The following CTIF variants were observed in gnomAD, a reference collection of about 807,000 sequenced individuals.
CTIF encodes CBP80/20-dependent translation initiation factor.
Under a neutral mutation model 66.0 loss-of-function variants are expected in CTIF, and 21 were observed. The ratio of observed to expected loss-of-function variants is 0.32; its 90% confidence interval spans 0.23 to 0.46. The LOEUF (loss-of-function observed/expected upper bound fraction) is 0.46. CTIF is among the 20% of genes least tolerant of loss of function. CTIF has a pLI of 1.00. For missense variants in CTIF, 739 were observed against 812.7 expected (o/e 0.91, Z 1.10); for synonymous variants, 345 against 326.4 (o/e 1.06, Z -0.62).
chr18:48,729,576 G>A (rs1481979360), intron 7 of CTIF, among the ~76,000 whole-genome samples: 2 of 152,224 alleles, frequency 1.3e-5, no homozygotes, highest in African/African-American at 2.4e-5. Context: ...ACTCAGAAAG[G>A]TGATGCGATT....
intron 3 of CTIF, among the ~76,000 whole-genome samples, chr18:48,655,532 C>G (rs1026834979): frequency 2.0e-5 from 3 of 152,172 alleles, no homozygotes; most frequent in African/African-American, 4.8e-5. Flanking sequence ...GGACATCCTG[C>G]ACTGAGAAGG....
chr18:48,648,857 C>T (rs1030878564), intron 3 of CTIF, among the ~76,000 whole-genome samples: 3 of 152,206 alleles, frequency 2.0e-5, no homozygotes, highest in Admixed American at 6.5e-5. Flanking sequence ...TGGTGGCTCA[C>T]GCCTGTGATC....
Position 48,670,674 on chromosome 18 carries a change from G to T in CTIF, c.437G>T (p.Gly146Val). ...PLPHIDREGCGKGKLEDGDGI... is the reference protein window; with the variant it reads ...PLPHIDREGCVKGKLEDGDGI... The stretch of plus-strand genomic sequence containing the variant: ...TTCTGTCTTTTCTGGTCCAGGTGTG[G>T]CAAAGGGAAGCTGGAAGATGGGGAT... The change falls in exon 6 of 12, where the codon GGC becomes GTC. Residue 146 changes from glycine (G) to valine (V), a missense_variant. This residue lies in a region of CTIF where 529 missense variants were observed against 520.3 expected (regional missense o/e 1.02). Transcript: ENST00000256413. 6.2e-7 allele frequency: 1 copy of T among 1,613,954 alleles called. No homozygotes were observed.
At chr18:48,728,350 A>G (rs954903708) in intron 7 of CTIF, among the ~76,000 whole-genome samples, 7 of 152,312 alleles carry the variant, frequency 4.6e-5, no homozygotes, top group African/African-American at 1.7e-4. Flanking sequence ...GAGTTTCACT[A>G]TGGCAGCACC....
chr18:48,833,714 A>C (rs2068745555), intron 10 of CTIF, among the ~76,000 whole-genome samples: 1 of 151,982 alleles, frequency 6.6e-6, no homozygotes, highest in East Asian at 1.9e-4. Flanking sequence ...GGCGCCACCA[A>C]ACTCTCCCCA....
chr18:48,729,135 GA>G (rs913070118), intron 7 of CTIF, among the ~76,000 whole-genome samples: 28 of 152,286 alleles, frequency 1.8e-4, no homozygotes, highest in African/African-American at 6.7e-4. Flanking sequence ...GGGCATCAGT[GA>G]AGACGCTTCC....
At chr18:48,837,039 C>T (rs2068827299) in intron 10 of CTIF, among the ~76,000 whole-genome samples, 2 of 152,238 alleles carry the variant, frequency 1.3e-5, no homozygotes, top group Admixed American at 1.3e-4. Context: ...GCAAAGCCTG[C>T]ACTGCCTGGC....
At chr18:48,821,064 C>G (rs547763031) in intron 10 of CTIF, among the ~76,000 whole-genome samples, 1 of 152,336 alleles carries the variant, frequency 6.6e-6, no homozygotes, top group Non-Finnish European at 1.5e-5. Context: ...TTAAGTTACT[C>G]AAGCTTGAAA....
chr18:48,702,317 C>A (rs2092094792), intron 6 of CTIF, among the ~76,000 whole-genome samples: 1 of 152,198 alleles, frequency 6.6e-6, no homozygotes, highest in Non-Finnish European at 1.5e-5. Context: ...CAGATGAAAA[C>A]CATCTGGATA....
At chr18:48,602,633 T>C (rs1163638479) in intron 1 of CTIF, among the ~76,000 whole-genome samples, 3 of 152,246 alleles carry the variant, frequency 2.0e-5, no homozygotes, top group Admixed American at 2.0e-4. Flanking sequence ...ATAACGTTTT[T>C]GGTGTTTCTC....
intron 3 of CTIF, among the ~76,000 whole-genome samples, chr18:48,654,937 A>T (rs903152755): frequency 6.6e-6 from 1 of 152,000 alleles, no homozygotes; most frequent in Non-Finnish European, 1.5e-5. Flanking sequence ...GAACACTTGG[A>T]CACAGGGCGG....
Position 48,642,158 on chromosome 18 carries a change from G to A in CTIF, c.252+5473G>A, listed in dbSNP as rs74550418. Among the ~76,000 whole-genome samples the A allele has an allele frequency of 5.4e-3, 829 of 152,318 alleles. 10 individuals are homozygous for A. The highest frequency in any genetic ancestry group is 0.017 in the African/African-American group (725 of 41,574). On this transcript the variant is annotated intron_variant, in intron 3 of 11. Coordinates refer to ENST00000256413, the MANE Select transcript of CTIF (RefSeq NM_014772.3). ...TTCGTATTTATTGAGTCCCTGCTGTGAGCCCAGCAGATGCGTCTGAGTGGG... is the reference window on the plus strand; with the variant it reads ...TTCGTATTTATTGAGTCCCTGCTGTAAGCCCAGCAGATGCGTCTGAGTGGG...
chr18:48,554,946 A>G (rs545249439), intron 1 of CTIF, among the ~76,000 whole-genome samples: 7 of 152,200 alleles, frequency 4.6e-5, no homozygotes, highest in African/African-American at 2.4e-5. Flanking sequence ...AGAGGCACAC[A>G]GAACGCATAT....
intron 1 of CTIF, among the ~76,000 whole-genome samples, chr18:48,577,654 C>A (rs1170181460): frequency 1.3e-5 from 2 of 152,126 alleles, no homozygotes; most frequent in Non-Finnish European, 2.9e-5. Flanking sequence ...CTTACTGCAG[C>A]CTCTATCTCC....
chr18:48,676,364 A>G (rs1354462760), intron 6 of CTIF, among the ~76,000 whole-genome samples: 1 of 152,248 alleles, frequency 6.6e-6, no homozygotes, highest in Non-Finnish European at 1.5e-5. Context: ...GAATTCTCCC[A>G]GACAAACATT....
chr18:48,674,883 C>T (rs1433606073), intron 6 of CTIF, among the ~76,000 whole-genome samples: 2 of 152,206 alleles, frequency 1.3e-5, no homozygotes, highest in East Asian at 1.9e-4. Flanking sequence ...TCTTCCTTCC[C>T]ACACTGGTGG....
chr18:48,836,891 G>A (rs1224649939), intron 10 of CTIF, among the ~76,000 whole-genome samples: 4 of 152,226 alleles, frequency 2.6e-5, no homozygotes, highest in Non-Finnish European at 4.4e-5. Flanking sequence ...TGCTGAGAGG[G>A]CGCCGGGGCC....
chr18:48,707,984 A>C (rs1035862810), intron 6 of CTIF, among the ~76,000 whole-genome samples: 8 of 152,196 alleles, frequency 5.3e-5, no homozygotes, highest in Admixed American at 5.2e-4. Context: ...GGTCCTTTGT[A>C]ACTAGCTTCT....
intron 9 of CTIF, among the ~76,000 whole-genome samples, chr18:48,795,333 A>G (rs867381998): frequency 6.6e-6 from 1 of 152,124 alleles, no homozygotes; most frequent in Non-Finnish European, 1.5e-5. Flanking sequence ...CTCTCCCCCA[A>G]CCTGATTTCT....
Sources: allele counts gnomAD v4.1 joint callset (sites outside exome capture counted in the v4.1 genomes callset), GRCh38; gene constraint gnomAD v4.1.1; regional missense constraint gnomAD v4.1.1; transcripts MANE v1.5; gene names NCBI Gene and HGNC (gene_info 2026-07-23, HGNC 2026-07-21).